SUPT16H: variants seen among roughly 807,000 people sequenced by gnomAD.
SUPT16H encodes FACT complex subunit SPT16.
SUPT16H carries 24 observed loss-of-function variants against 136.2 expected under a neutral mutation model. That is an observed-to-expected ratio of 0.18 (90% confidence interval 0.13 to 0.25). The LOEUF (loss-of-function observed/expected upper bound fraction) is 0.25, where lower values mean the gene tolerates loss of function less well. SUPT16H is among the 10% of genes least tolerant of loss of function. The probability of loss-of-function intolerance (pLI) is 1.00; values close to 1 mark genes in which losing one functional copy is unlikely to be tolerated. For synonymous variants in SUPT16H, 415 were observed against 428.2 expected (o/e 0.97, Z 0.38); for missense variants, 623 against 1,270.2 (o/e 0.49, Z 7.74).
chr14:21,354,066 C>A (rs1451285739), intron 23 of SUPT16H, among the ~76,000 whole-genome samples: 1 of 152,040 alleles, frequency 6.6e-6, no homozygotes, highest in Non-Finnish European at 1.5e-5. Context: ...CCTTCCTCAC[C>A]CAGGGAAATT....
intron 20 of SUPT16H, 21 bp from the exon 21 acceptor site, chr14:21,358,023 A>G (rs767049675): frequency 2.5e-6 from 4 of 1,607,864 alleles, no homozygotes; most frequent in Non-Finnish European, 3.4e-6. Flanking sequence ...CAAACTTTTA[A>G]GACTGAGCTC....
chr14:21,370,351 T>C lies in SUPT16H; in HGVS notation c.468A>G (p.Lys156=), dbSNP rs767072542. The C allele has an allele frequency of 6.2e-7, 1 of 1,611,752 alleles. No individual in the cohort carries two copies. Among genetic ancestry groups the C allele is most frequent in the Non-Finnish European group, 8.5e-7 (1 of 1,179,818 alleles). Residue 156 remains lysine (K), a synonymous_variant, in exon 4 of 26, where the codon AAA becomes AAG. Coordinates refer to ENST00000216297, the MANE Select transcript of SUPT16H (RefSeq NM_007192.4). ...FMKSWNDCLN[K]EGFDKIDISA... is the part of the protein sequence containing the mutation. ...GTATTCTTACTTTGTCAAAGCCTTC[T>C]TTGTTGAGGCAGTCATTCCAGCTCT... is the stretch of plus-strand genomic sequence containing the variant.
At chr14:21,370,224 TAAAC>T in intron 4 of SUPT16H, 108 bp downstream of exon 4, 1 of 1,357,006 alleles carries the variant, frequency 7.4e-7, no homozygotes, top group Non-Finnish European at 1.0e-6. Flanking sequence ...GGATAAAATG[TAAAC>T]AAACATACAG....
At chr14:21,368,027 C>T (rs1042497020) in intron 7 of SUPT16H, among the ~76,000 whole-genome samples, 1 of 152,146 alleles carries the variant, frequency 6.6e-6, no homozygotes, top group Non-Finnish European at 1.5e-5. Context: ...TGATCCTCCT[C>T]AACTTCAGTC....
At chr14:21,372,111 T>A in intron 2 of SUPT16H, 67 bp from the exon 3 acceptor site, 1 of 1,485,898 alleles carries the variant, frequency 6.7e-7, no homozygotes, top group Non-Finnish European at 9.0e-7. Flanking sequence ...CATATAGATA[T>A]ACAGAAATAC....
intron 25 of SUPT16H, among the ~76,000 whole-genome samples, chr14:21,353,213 A>AGC (rs1455111990): frequency 6.6e-6 from 1 of 152,182 alleles, no homozygotes; most frequent in African/African-American, 2.4e-5. Context: ...GTATTACATG[A>AGC]ATATGTGGCT....
Position 21,359,513 on chromosome 14 carries a change from G to A in SUPT16H, c.2272C>T (p.His758Tyr). The A allele has an allele frequency of 1.2e-6, 2 of 1,614,064 alleles. No individual in the cohort carries two copies. The highest frequency in any genetic ancestry group is 1.7e-6 in the Non-Finnish European group (2 of 1,180,044). The stretch of plus-strand genomic sequence containing the variant: ...TCAGCATAGAGGTCATCTCGGTCAT[G>A]CATATGCTGATGTTTCCCCAAGTCC... ...TTDLGKHQHM[H>Y]DRDDLYAEQM... The change falls in exon 19 of 26, where the codon CAT becomes TAT. Residue 758 changes from histidine to tyrosine, a missense_variant. Transcript: ENST00000216297.
At chr14:21,368,510 A>G (rs1304531642) in intron 6 of SUPT16H, 69 bp from the exon 7 acceptor site, 2 of 1,471,570 alleles carry the variant, frequency 1.4e-6, no homozygotes, top group Admixed American at 2.2e-5. Flanking sequence ...TCAATGGGAC[A>G]CGGTATCAAT....
At chr14:21,361,028 A>C in intron 16 of SUPT16H, 50 bp downstream of exon 16, 2 of 1,610,726 alleles carry the variant, frequency 1.2e-6, no homozygotes, top group Middle Eastern at 1.7e-4. Flanking sequence ...GTCTCCAAAA[A>C]ATACATGTCC....
chr14:21,370,486 A>G lies in SUPT16H; in HGVS notation c.333T>C (p.Asn111=), dbSNP rs769344596. ...TGTCAAAGCTACTCTTATTACTTTC[A>G]TTCTGTCAGTGTCATAGGGAAGAAA... ...PAITLLIREK[N]ESNKSSFDKM... Residue 111 remains asparagine (N), a splice_region_variant and synonymous_variant, in exon 4 of 26, where the codon AAT becomes AAC. Transcript: ENST00000216297. 7.4e-6 allele frequency: 12 copies of G among 1,613,802 alleles called. No homozygotes were observed. In the African/African-American group the frequency reaches 1.2e-4, roughly 16 times the overall value.
Position 21,366,363 on chromosome 14 carries a change from C to T in SUPT16H, c.1046+76G>A, listed in dbSNP as rs538986490. The T allele has an allele frequency of 9.0e-5, 123 of 1,367,382 alleles. 1 individual carries two copies. The South Asian group carries it at 1.4e-3, about 15-fold the overall frequency. The allele number at this position is 1,367,382 out of a possible 1,614,324, so 84.7% of individuals were successfully genotyped here. A position where few individuals can be genotyped will look rare whatever the true frequency, so the allele number is the denominator to read the frequency against. On this transcript the variant is annotated intron_variant, in intron 8 of 25. Transcript: ENST00000216297. Reference sequence around the variant, plus strand: ...AATGTTGGCTGAATCAATCAATTAGCCTAAAGAAATAAGACTGACCACTGA... The same window carrying T: ...AATGTTGGCTGAATCAATCAATTAGTCTAAAGAAATAAGACTGACCACTGA...
Position 21,383,929 on chromosome 14 carries a change from G to A in SUPT16H, c.-2C>T. On this transcript the variant is annotated 5_prime_UTR_variant, in exon 1 of 26. Transcript: ENST00000216297. Reference sequence around the variant, plus strand: ...GTCTTTGTCCAGAGTCACAGCCATAGCCCCGGACGCCGCTTCTCCTCGGGT... The same window carrying A: ...GTCTTTGTCCAGAGTCACAGCCATAACCCCGGACGCCGCTTCTCCTCGGGT... The A allele has an allele frequency of 6.2e-7, 1 of 1,612,368 alleles. No homozygotes were observed. The highest frequency in any genetic ancestry group is 1.1e-5 in the South Asian group (1 of 91,008).
At chr14:21,376,438 T>A (rs1886903086) in intron 1 of SUPT16H, among the ~76,000 whole-genome samples, 1 of 152,124 alleles carries the variant, frequency 6.6e-6, no homozygotes, top group African/African-American at 2.4e-5. Flanking sequence ...GGCTTCTGCT[T>A]GTTAATAAGG....
At chr14:21,380,546 C>G (rs1243300327) in intron 1 of SUPT16H, among the ~76,000 whole-genome samples, 1 of 152,124 alleles carries the variant, frequency 6.6e-6, no homozygotes, top group Non-Finnish European at 1.5e-5. Flanking sequence ...AAGCTCCACT[C>G]AAGAGAAGCA....
At chr14:21,366,858 G>A (rs1886681802) in intron 7 of SUPT16H, among the ~76,000 whole-genome samples, 3 of 152,020 alleles carry the variant, frequency 2.0e-5, no homozygotes, top group African/African-American at 7.2e-5. Flanking sequence ...TGTTGCCCAG[G>A]CTGGTCTCAA....
In SUPT16H at chr14:21,383,968, C is replaced by G. The variant is rs747912422; in HGVS notation, c.-41G>C. 1.6e-5 allele frequency: 25 copies of G among 1,611,442 alleles called. No homozygotes were observed. Among genetic ancestry groups the G allele is most frequent in the Non-Finnish European group, 2.0e-5 (23 of 1,179,316 alleles). On this transcript the variant is annotated 5_prime_UTR_variant, in exon 1 of 26. Transcript: ENST00000216297. ...TTCTCCTCGGGTTCCGAGAATCACGCGAGGTCCCGGCTCAGCCACCCGCTC... is the reference window on the plus strand; with the variant it reads ...TTCTCCTCGGGTTCCGAGAATCACGGGAGGTCCCGGCTCAGCCACCCGCTC...
Position 21,351,820 on chromosome 14 carries a change from TTTCTC to T in SUPT16H, c.*848_*852del, listed in dbSNP as rs1886309785. On this transcript the variant is annotated 3_prime_UTR_variant, in exon 26 of 26. Transcript: ENST00000216297. ...GATATGGCCTCCCTTCCTCTTCTCT[TTTCTC>T]ATCAGGGTATTCTAGGCCCAAGGCA... is the stretch of plus-strand genomic sequence containing the variant. The T allele has an allele frequency of 6.5e-6, 1 of 152,932 alleles. No individual in the cohort carries two copies. The highest frequency in any genetic ancestry group is 6.5e-5 in the Admixed American group (1 of 15,296). 9.5% of individuals were successfully genotyped at this position (152,932 alleles called of 1,614,324 possible). A position where few individuals can be genotyped will look rare whatever the true frequency, so the allele number is the denominator to read the frequency against.
chr14:21,353,663 G>T, intron 24 of SUPT16H, 40 bp downstream of exon 24: 1 of 1,606,086 alleles, frequency 6.2e-7, no homozygotes, highest in South Asian at 1.1e-5. Context: ...AATGACATTA[G>T]ATTAGGAAGC....
chr14:21,383,846 A>G lies in SUPT16H; in HGVS notation c.66+16T>C. ...CTAAGGGGGCTCCCTAGGAAAAATT[A>G]CAGGATCTTCCTCACCCGCCAATTG... On this transcript the variant is annotated intron_variant, in intron 1 of 25. Transcript: ENST00000216297. 1.2e-6 allele frequency: 2 copies of G among 1,613,990 alleles called. No homozygotes were observed. The highest frequency in any genetic ancestry group is 1.7e-6 in the Non-Finnish European group (2 of 1,179,940).
Sources: allele counts gnomAD v4.1 joint callset (sites outside exome capture counted in the v4.1 genomes callset), GRCh38; gene constraint gnomAD v4.1.1; transcripts MANE v1.5; gene names NCBI Gene and HGNC (gene_info 2026-07-23, HGNC 2026-07-21).